The following LARS2 variants were observed in gnomAD, a reference collection of about 807,000 sequenced individuals.
The protein encoded by LARS2 is leucine--tRNA ligase, mitochondrial.
A neutral mutation model predicts 116.6 loss-of-function variants in LARS2; 81 were observed. The observed-to-expected ratio is 0.69, with a 90% CI of 0.58 to 0.84. The LOEUF is 0.84. Ranked by LOEUF, LARS2 falls within the 40% of genes least tolerant of loss-of-function variation. The probability of loss-of-function intolerance (pLI) is 0.00; values close to 1 mark genes in which losing one functional copy is unlikely to be tolerated. For synonymous variants in LARS2, 396 were observed against 407.2 expected (o/e 0.97, Z 0.33); for missense variants, 968 against 1,114.5 (o/e 0.87, Z 1.87).
At chr3:45,406,836 G>A (rs762648185) in intron 4 of LARS2, among the ~76,000 whole-genome samples, 1 of 152,180 alleles carries the variant, frequency 6.6e-6, no homozygotes, top group Admixed American at 6.6e-5. Context: ...CTGCCAATCG[G>A]TTTCTTCTTA....
At chr3:45,408,893 G>A (rs1258112925) in intron 4 of LARS2, among the ~76,000 whole-genome samples, 1 of 152,170 alleles carries the variant, frequency 6.6e-6, no homozygotes, top group East Asian at 1.9e-4. Context: ...TTATTTTGTG[G>A]ATTTCCAAGT....
intron 6 of LARS2, among the ~76,000 whole-genome samples, chr3:45,427,025 C>T (rs138453965): frequency 4.6e-5 from 7 of 152,220 alleles, no homozygotes; most frequent in East Asian, 3.9e-4. Context: ...TGTCGCCCCT[C>T]GGAGCCTCAG....
chr3:45,513,404 G>A (rs1700318873), intron 16 of LARS2, among the ~76,000 whole-genome samples, 169 bp downstream of exon 16: 1 of 152,004 alleles, frequency 6.6e-6, no homozygotes, highest in African/African-American at 2.4e-5. Context: ...TGCGCCCCCT[G>A]AAGCCTGGTC....
At chr3:45,517,423 C>T (rs1362370463) in intron 17 of LARS2, among the ~76,000 whole-genome samples, 1 of 152,228 alleles carries the variant, frequency 6.6e-6, no homozygotes, top group African/African-American at 2.4e-5. Context: ...AACACACATA[C>T]CTGCAAGGAC....
chr3:45,444,479 C>A (rs1319406214), intron 6 of LARS2, among the ~76,000 whole-genome samples: 2 of 68 alleles, frequency 0.029, no homozygotes, highest in Admixed American at 0.5. Flanking sequence ...CCGGCTAAAA[C>A]GGTGAAACCC....
chr3:45,415,568 C>G (rs1698399258), intron 4 of LARS2, among the ~76,000 whole-genome samples: 1 of 152,122 alleles, frequency 6.6e-6, no homozygotes, highest in Non-Finnish European at 1.5e-5. Flanking sequence ...CTATTTTAGG[C>G]CAGGCTCAGT....
chr3:45,486,535 G>A (rs1008011039), intron 11 of LARS2, among the ~76,000 whole-genome samples: 20 of 152,218 alleles, frequency 1.3e-4, no homozygotes, highest in African/African-American at 4.1e-4. Flanking sequence ...CCAGAGTCCC[G>A]AAACCTTGCA....
intron 6 of LARS2, among the ~76,000 whole-genome samples, chr3:45,442,490 A>G (rs1219239688): frequency 1.3e-5 from 2 of 152,252 alleles, no homozygotes; most frequent in African/African-American, 4.8e-5. Flanking sequence ...TTTCCAAGTC[A>G]GACAACTACT....
At chr3:45,440,541 C>T (rs576490609) in intron 6 of LARS2, among the ~76,000 whole-genome samples, 4 of 152,216 alleles carry the variant, frequency 2.6e-5, no homozygotes, top group Admixed American at 2.6e-4. Flanking sequence ...ACAGGGCCGC[C>T]GGATGATTGA....
At chr3:45,511,831 G>A (rs1289420355) in intron 15 of LARS2, among the ~76,000 whole-genome samples, 1 of 135,000 alleles carries the variant, frequency 7.4e-6, no homozygotes, top group African/African-American at 2.8e-5. Flanking sequence ...AGGCTGGGGT[G>A]CAGTGGCGTG....
At chr3:45,517,185 C>A (rs1034347696) in intron 17 of LARS2, among the ~76,000 whole-genome samples, 3 of 152,170 alleles carry the variant, frequency 2.0e-5, no homozygotes, top group Admixed American at 6.5e-5. Context: ...TGGCTCCCAC[C>A]CCTAACCCAG....
At chr3:45,468,167 T>C (rs1699459541) in intron 8 of LARS2, among the ~76,000 whole-genome samples, 1 of 152,128 alleles carries the variant, frequency 6.6e-6, no homozygotes, top group Non-Finnish European at 1.5e-5. Flanking sequence ...GGTTAGATCA[T>C]CATTTATTTA....
At position 45,476,726 on chromosome 3, in the gene LARS2, G is replaced by A. The variant is rs568522461; in HGVS notation, c.1018+99G>A. ...GGTCCTTTCCTCTATGTCATCTTGC[G>A]TGGGTTGTTCTTTGCCTTAGCCTGA... is the stretch of plus-strand genomic sequence containing the variant. On this transcript the variant is annotated intron_variant, in intron 10 of 21. Transcript: ENST00000645846. 1.3e-3 allele frequency: 1,600 copies of A among 1,256,684 alleles called. 2 individuals carry two copies. The highest frequency in any genetic ancestry group is 1.4e-3 in the Non-Finnish European group (1,215 of 882,720). The allele number at this position is 1,256,684 out of a possible 1,614,324, so 77.8% of individuals were successfully genotyped here. A position where few individuals can be genotyped will look rare whatever the true frequency, so the allele number is the denominator to read the frequency against.
At chr3:45,535,057 G>C (rs1422740939) in intron 20 of LARS2, among the ~76,000 whole-genome samples, 1 of 152,102 alleles carries the variant, frequency 6.6e-6, no homozygotes, top group Non-Finnish European at 1.5e-5. Flanking sequence ...AACAGTAAAA[G>C]AGCAGAAAAT....
chr3:45,440,342 T>C (rs992966873), intron 6 of LARS2, among the ~76,000 whole-genome samples: 1 of 152,238 alleles, frequency 6.6e-6, no homozygotes, highest in Non-Finnish European at 1.5e-5. Context: ...ACATGTTTCC[T>C]TTTGATCTGT....
chr3:45,429,454 A>G (rs9852794), intron 6 of LARS2, among the ~76,000 whole-genome samples: 7,659 of 152,186 alleles, frequency 0.05, 228 homozygotes, highest in South Asian at 0.11. Flanking sequence ...AGCCTTCCAC[A>G]TGGCCCCCTC....
intron 8 of LARS2, among the ~76,000 whole-genome samples, chr3:45,470,826 A>C (rs775338012): frequency 6.6e-6 from 1 of 152,136 alleles, no homozygotes; most frequent in Non-Finnish European, 1.5e-5. Flanking sequence ...CAACTCTTAC[A>C]TATTGGGTTC....
intron 11 of LARS2, among the ~76,000 whole-genome samples, chr3:45,486,612 T>C (rs115560382): frequency 0.021 from 3,238 of 152,296 alleles, 54 homozygotes; most frequent in Non-Finnish European, 0.034. Context: ...TTCACATTTT[T>C]CCCCTCATAA....
rs187983674 is a variant in LARS2, at chr3:45,486,932, G to A, written c.1123+1136G>A. ...AAATCGGATTTTTTTAGGTGCATATGGAAAACTGTTTCTCCTGTTGTCTTG... is the reference window on the plus strand; with the variant it reads ...AAATCGGATTTTTTTAGGTGCATATAGAAAACTGTTTCTCCTGTTGTCTTG... On this transcript the variant is annotated intron_variant, in intron 11 of 21. Transcript: ENST00000645846. Among the ~76,000 whole-genome samples, 80 of 152,126 alleles carry A rather than the reference G, an allele frequency of 5.3e-4. 1 individual carries two copies. Among genetic ancestry groups the A allele is most frequent in the Admixed American group, 3.5e-3 (53 of 15,276 alleles).
Sources: allele counts gnomAD v4.1 joint callset (sites outside exome capture counted in the v4.1 genomes callset), GRCh38; gene constraint gnomAD v4.1.1; transcripts MANE v1.5; gene names NCBI Gene and HGNC (gene_info 2026-07-23, HGNC 2026-07-21).